Variants in ADARB2 observed in about 807,000 individuals in gnomAD.
ADARB2 encodes the protein adenosine deaminase RNA specific B2 (inactive), also known as inactive double-stranded RNA-specific editase B2.
Under a neutral mutation model 62.2 loss-of-function variants are expected in ADARB2, and 25 were observed. The ratio of observed to expected loss-of-function variants is 0.40; its 90% CI spans 0.29 to 0.56. ADARB2 has a LOEUF of 0.56. Among genes scored for constraint, ADARB2 ranks in the 20% least tolerant of loss-of-function variants. The pLI is 0.43. For synonymous variants in ADARB2, 572 were observed against 500.8 expected (o/e 1.14, Z -1.90); for missense variants, 1,071 against 1,077.4 (o/e 0.99, Z 0.08).
rs540137267 is a variant in ADARB2, at chr10:1,695,583, C to T, written c.100+41468G>A. Among the ~76,000 whole-genome samples, 27 of 151,886 alleles carry T rather than the reference C, an allele frequency of 1.8e-4. No individual in the cohort carries two copies. The South Asian group carries it at 3.8e-3, about 21-fold the overall frequency. On this transcript the variant is annotated intron_variant, in intron 1 of 9. Transcript: ENST00000381312. The stretch of plus-strand genomic sequence containing the variant: ...CAGGAGCAAAGATCCATGTGTAGGT[C>T]TGTGTGTGCATGTATACACAGAAAC...
chr10:1,544,055 G>A (rs1292773323), intron 1 of ADARB2, among the ~76,000 whole-genome samples: 1 of 151,364 alleles, frequency 6.6e-6, no homozygotes, highest in Non-Finnish European at 1.5e-5. Flanking sequence ...CCTCAGGGAC[G>A]TGATGAAAGG....
chr10:1,507,722 C>T (rs148395764), intron 1 of ADARB2, among the ~76,000 whole-genome samples: 273 of 152,288 alleles, frequency 1.8e-3, no homozygotes, highest in African/African-American at 4.2e-3. Context: ...GGGTTTCCCC[C>T]GCTTGTTGTG....
chr10:1,713,652 G>T (rs552364242), intron 1 of ADARB2, among the ~76,000 whole-genome samples: 1 of 152,314 alleles, frequency 6.6e-6, no homozygotes, highest in South Asian at 2.1e-4. Context: ...CACCTGGGCT[G>T]CAGAAGCCTG....
chr10:1,257,189 G>A (rs1189033205), intron 4 of ADARB2, among the ~76,000 whole-genome samples: 1 of 152,142 alleles, frequency 6.6e-6, no homozygotes. Context: ...GAGTTCCCCT[G>A]GGCTCAAATC....
chr10:1,217,262 A>G, intron 6 of ADARB2, 143 bp from the exon 7 acceptor site: 1 of 869,238 alleles, frequency 1.2e-6, no homozygotes, highest in Non-Finnish European at 1.7e-6. Flanking sequence ...GGCTTCAGAA[A>G]TAAGCGCCAT....
intron 1 of ADARB2, among the ~76,000 whole-genome samples, chr10:1,605,954 TGCACA>T (rs1230087085): frequency 1.3e-5 from 2 of 152,056 alleles, no homozygotes; most frequent in Non-Finnish European, 2.9e-5. Flanking sequence ...GGTGAACAGC[TGCACA>T]GTTCTGGAAT....
chr10:1,271,768 C>T (rs937482939), intron 3 of ADARB2, among the ~76,000 whole-genome samples: 10 of 152,166 alleles, frequency 6.6e-5, no homozygotes, highest in Non-Finnish European at 5.9e-5. Context: ...GCCCTTTCCC[C>T]GGCTCCTCTG....
At chr10:1,536,934 A>G (rs1252482874) in intron 1 of ADARB2, among the ~76,000 whole-genome samples, 1 of 152,260 alleles carries the variant, frequency 6.6e-6, no homozygotes, top group Non-Finnish European at 1.5e-5. Flanking sequence ...GCCAAAAGCA[A>G]TTGCAACAAA....
intron 1 of ADARB2, among the ~76,000 whole-genome samples, chr10:1,695,517 C>T (rs1019666456): frequency 8.5e-5 from 13 of 152,218 alleles, no homozygotes; most frequent in Non-Finnish European, 1.2e-4. Flanking sequence ...CATATATAGA[C>T]GGTGAGAGTG....
intron 1 of ADARB2, among the ~76,000 whole-genome samples, chr10:1,668,814 A>G (rs1834344032): frequency 6.6e-6 from 1 of 152,248 alleles, no homozygotes; most frequent in Non-Finnish European, 1.5e-5. Flanking sequence ...CTTTCTTTCT[A>G]AATAAAACAG....
chr10:1,666,074 T>G, intron 1 of ADARB2, among the ~76,000 whole-genome samples: 5 of 119,982 alleles, frequency 4.2e-5, no homozygotes, highest in Admixed American at 9.9e-5. Context: ...CAGCATTGGA[T>G]AGGGTGGGTG....
chr10:1,395,011 C>G (rs1832599596), intron 1 of ADARB2: 1 of 453,896 alleles, frequency 2.2e-6, no homozygotes, highest in African/African-American at 2.0e-5. Context: ...CCTCGAACTC[C>G]TGGGCTCAGT....
At chr10:1,310,834 G>T (rs1564253836) in intron 3 of ADARB2, among the ~76,000 whole-genome samples, 1 of 152,242 alleles carries the variant, frequency 6.6e-6, no homozygotes, top group Non-Finnish European at 1.5e-5. Context: ...AAGACAAGGA[G>T]TAGTTTTCAG....
chr10:1,265,426 C>T (rs547520585), intron 4 of ADARB2, among the ~76,000 whole-genome samples: 2 of 152,360 alleles, frequency 1.3e-5, no homozygotes, highest in African/African-American at 4.8e-5. Flanking sequence ...TGGGGGAGAA[C>T]ATTTGCTTCT....
intron 1 of ADARB2, among the ~76,000 whole-genome samples, chr10:1,570,070 G>A (rs1350027547): frequency 6.6e-6 from 1 of 152,054 alleles, no homozygotes; most frequent in African/African-American, 2.4e-5. Context: ...CCGAGAACAA[G>A]ATTTGTTGTC....
chr10:1,307,067 A>C (rs9794407), intron 3 of ADARB2, among the ~76,000 whole-genome samples: 21,503 of 88,738 alleles, frequency 0.24, 2,624 homozygotes, highest in East Asian at 0.48. Flanking sequence ...GCAACAAAAG[A>C]CAAAATTGAC....
At chr10:1,501,829 C>T (rs890208838) in intron 1 of ADARB2, among the ~76,000 whole-genome samples, 1 of 152,134 alleles carries the variant, frequency 6.6e-6, no homozygotes, top group African/African-American at 2.4e-5. Flanking sequence ...CTGACAAGAA[C>T]CTGGAGGGCA....
At chr10:1,463,431 C>T (rs910498907) in intron 1 of ADARB2, among the ~76,000 whole-genome samples, 5 of 152,262 alleles carry the variant, frequency 3.3e-5, no homozygotes, top group African/African-American at 9.6e-5. Context: ...GATGCAGACA[C>T]GGGTAGAAGA....
intron 1 of ADARB2, among the ~76,000 whole-genome samples, chr10:1,576,054 C>A (rs1392707212): frequency 6.1e-4 from 15 of 24,450 alleles, no homozygotes; most frequent in African/African-American, 1.2e-3. Flanking sequence ...GGGTCAGGGT[C>A]ACAGGAGGGG....
Sources: gnomAD v4.1 joint callset for allele counts (sites outside exome capture counted in the v4.1 genomes callset) on GRCh38, gnomAD v4.1.1 for gene constraint, MANE v1.5 for transcripts, NCBI Gene and HGNC (gene_info 2026-07-23, HGNC 2026-07-21) for gene names.